PDE2A: variants seen among roughly 807,000 people sequenced by gnomAD.
PDE2A encodes cGMP-dependent 3',5'-cyclic phosphodiesterase.
A neutral mutation model predicts 133.6 loss-of-function variants in PDE2A; 53 were observed. The observed-to-expected ratio is 0.40, with a 90% confidence interval of 0.32 to 0.50. PDE2A has a LOEUF of 0.50. Among genes scored for constraint, PDE2A ranks in the 20% least tolerant of loss-of-function variants. The pLI, the probability that PDE2A is intolerant of heterozygous loss-of-function variation, is 0.73. For missense variants in PDE2A, 796 were observed against 1,232.4 expected (o/e 0.65, Z 5.30); for synonymous variants, 491 against 490.2 (o/e 1.00, Z -0.02).
intron 2 of PDE2A, among the ~76,000 whole-genome samples, chr11:72,612,091 T>C (rs1643837809): frequency 6.6e-6 from 1 of 151,834 alleles, no homozygotes. Flanking sequence ...AAAGGAAAAA[T>C]ACAGACACAG....
chr11:72,644,960 T>C (rs1816911442), intron 1 of PDE2A, among the ~76,000 whole-genome samples: 1 of 152,170 alleles, frequency 6.6e-6, no homozygotes, highest in South Asian at 2.1e-4. Flanking sequence ...TTTCGCCATG[T>C]TGGCCAGGAT....
At chr11:72,581,051 G>A (rs906402926) in intron 23 of PDE2A, 78 bp from the exon 24 acceptor site, 12 of 1,019,154 alleles carry the variant, frequency 1.2e-5, no homozygotes, top group Non-Finnish European at 1.7e-5. Flanking sequence ...GGACAGACAG[G>A]AGATGACATG....
At chr11:72,618,972 G>A (rs986849388) in intron 2 of PDE2A, among the ~76,000 whole-genome samples, 20 of 152,154 alleles carry the variant, frequency 1.3e-4, no homozygotes, top group Admixed American at 7.2e-4. Context: ...ACAAACATCC[G>A]GAGTCTCTGG....
At chr11:72,608,639 G>A (rs542721232) in intron 3 of PDE2A, 23 bp downstream of exon 3, 99 of 1,287,278 alleles carry the variant, frequency 7.7e-5, no homozygotes, top group South Asian at 2.0e-4. Context: ...GGTGGGAAGC[G>A]TGGGGCAAGG....
chr11:72,642,054 G>T lies in PDE2A; in HGVS notation c.144+200C>A, dbSNP rs181535933. Among the ~76,000 whole-genome samples, 4 of 152,368 alleles carry T rather than the reference G, an allele frequency of 2.6e-5. No individual in the cohort carries two copies. In the East Asian group the frequency reaches 5.8e-4, roughly 22 times the overall value. On this transcript the variant is annotated intron_variant, in intron 2 of 30. Transcript: ENST00000334456. ...GGGTGGAGCCCCGGATCCGAAAGGAGTTCAGAGTCTGGGGTGACGTGTGGA... is the reference window on the plus strand; with the variant it reads ...GGGTGGAGCCCCGGATCCGAAAGGATTTCAGAGTCTGGGGTGACGTGTGGA...
chr11:72,673,093 G>T (rs1478428990), intron 1 of PDE2A, among the ~76,000 whole-genome samples: 1 of 151,920 alleles, frequency 6.6e-6, no homozygotes, highest in Non-Finnish European at 1.5e-5. Flanking sequence ...TCCACACACA[G>T]CAATGCTATT....
At chr11:72,634,192 TCA>T (rs1361498949) in intron 2 of PDE2A, among the ~76,000 whole-genome samples, 1 of 151,450 alleles carries the variant, frequency 6.6e-6, no homozygotes, top group Non-Finnish European at 1.5e-5. Context: ...GGTGGCAGAG[TCA>T]CGACAGGAGG....
chr11:72,668,411 A>G, intron 1 of PDE2A: 1 of 718,402 alleles, frequency 1.4e-6, no homozygotes, highest in Non-Finnish European at 2.6e-6. Flanking sequence ...AACAGTGCTC[A>G]GGAAGCTGTA....
chr11:72,655,042 G>A (rs1854854675), intron 1 of PDE2A, among the ~76,000 whole-genome samples: 1 of 152,180 alleles, frequency 6.6e-6, no homozygotes, highest in Non-Finnish European at 1.5e-5. Context: ...GGACAGTGGG[G>A]GAATCAGGGG....
intron 1 of PDE2A, chr11:72,643,049 T>G (rs562010764): frequency 6.5e-6 from 1 of 153,974 alleles, no homozygotes; most frequent in East Asian, 1.9e-4. Flanking sequence ...GGTGGGCAGG[T>G]CTCTGTCGCC....
chr11:72,658,256 C>A, intron 1 of PDE2A: 1 of 384,374 alleles, frequency 2.6e-6, no homozygotes, highest in East Asian at 7.3e-5. Flanking sequence ...GCTGGGAGCT[C>A]CTCCTCCTCC....
rs1243470059 is a variant in PDE2A, at chr11:72,674,182, A to AT, written c.25dup (p.Ile9AsnfsTer15). ...CGGGTACTGCTGGCTCCTGCAGAGGATGGAGTGGCCGCATGCCTGCCCCAT... is the reference window on the plus strand; with the variant it reads ...CGGGTACTGCTGGCTCCTGCAGAGGATTGGAGTGGCCGCATGCCTGCCCCAT... On this transcript the variant is annotated frameshift_variant, in exon 1 of 31. Coordinates refer to ENST00000334456, the MANE Select transcript of PDE2A (RefSeq NM_002599.5). LOFTEE classifies it high-confidence loss of function. The AT allele has an allele frequency of 1.2e-6, 2 of 1,612,036 alleles. No homozygotes were observed. The highest frequency in any genetic ancestry group is 1.7e-6 in the Non-Finnish European group (2 of 1,179,822).
intron 19 of PDE2A, 37 bp from the exon 20 acceptor site, chr11:72,583,552 T>G (rs753606304): frequency 2.1e-6 from 3 of 1,449,484 alleles, no homozygotes; most frequent in Non-Finnish European, 2.9e-6. Flanking sequence ...TCAAGGAAGG[T>G]GGCTGTGAAA....
intron 16 of PDE2A, 153 bp from the exon 17 acceptor site, chr11:72,585,097 GTCCAT>G: frequency 1.4e-6 from 1 of 696,710 alleles, no homozygotes; most frequent in Non-Finnish European, 2.4e-6. Context: ...CCAGAAACGT[GTCCAT>G]TCAAGTGTTT....
At chr11:72,584,499 C>T in intron 18 of PDE2A, 52 bp downstream of exon 18, 1 of 1,535,518 alleles carries the variant, frequency 6.5e-7, no homozygotes. Flanking sequence ...CTCGCTCGGA[C>T]CCGCCCCGCC....
chr11:72,648,962 C>T (rs547377075), intron 1 of PDE2A, among the ~76,000 whole-genome samples: 2 of 152,318 alleles, frequency 1.3e-5, no homozygotes, highest in African/African-American at 4.8e-5. Flanking sequence ...GCCTCCTCTT[C>T]GATGCCCACA....
intron 1 of PDE2A, among the ~76,000 whole-genome samples, chr11:72,669,670 G>T (rs566248890): frequency 3.3e-5 from 5 of 152,132 alleles, no homozygotes; most frequent in African/African-American, 7.2e-5. Flanking sequence ...TGGGGCAGAG[G>T]GGGTAGGAGG....
rs552600427 is a variant in PDE2A at position 72,580,468 on chromosome 11, G to A, written c.2181+109C>T. The A allele has an allele frequency of 6.4e-4, 548 of 849,982 alleles. 2 individuals are homozygous for A. The highest frequency in any genetic ancestry group is 1.3e-3 in the South Asian group (89 of 69,706). The allele number at this position is 849,982 out of a possible 1,614,324, so 52.7% of individuals were successfully genotyped here. On this transcript the variant is annotated intron_variant, in intron 25 of 30. Transcript: ENST00000334456. ...TGTCCTAGGTGTGGCTGCAGCTCTC[G>A]CAGCCTGTCTGGAGAGCATGGTTTG...
chr11:72,598,354 G>A (rs527627950), intron 4 of PDE2A, among the ~76,000 whole-genome samples: 1 of 152,254 alleles, frequency 6.6e-6, no homozygotes, highest in East Asian at 1.9e-4. Context: ...TTGAACAGGG[G>A]GCAGGTGTGA....
Sources: allele counts gnomAD v4.1 joint callset (sites outside exome capture counted in the v4.1 genomes callset), GRCh38; gene constraint gnomAD v4.1.1; transcripts MANE v1.5; gene names NCBI Gene and HGNC (gene_info 2026-07-23, HGNC 2026-07-21).